OPA3: variants seen among roughly 807,000 people sequenced by gnomAD.
The protein encoded by OPA3 is outer mitochondrial membrane lipid metabolism regulator OPA3.
Under a neutral mutation model 4.0 loss-of-function variants are expected in OPA3, and 6 were observed. The ratio of observed to expected loss-of-function variants is 1.51; its 90% confidence interval spans 0.83 to 2.99. The LOEUF (loss-of-function observed/expected upper bound fraction) is 2.99. Ranked by LOEUF, OPA3 falls within the 30% of genes most tolerant of loss-of-function variation. The pLI, the probability that OPA3 is intolerant of heterozygous loss-of-function variation, is 0.00. For missense variants in OPA3, 235 were observed against 256.2 expected (o/e 0.92, Z 0.56); for synonymous variants, 105 against 117.1 (o/e 0.90, Z 0.67).
chr19:45,545,680 A>G (rs1463339247), downstream of OPA3, among the ~76,000 whole-genome samples: 1 of 151,528 alleles, frequency 6.6e-6, no homozygotes, highest in Non-Finnish European at 1.5e-5. Flanking sequence ...ACAGGTTTGT[A>G]TAATACATAC....
At chr19:45,576,672 C>T (rs959126151) in intron 1 of OPA3, among the ~76,000 whole-genome samples, 4 of 152,168 alleles carry the variant, frequency 2.6e-5, no homozygotes, top group Non-Finnish European at 4.4e-5. Flanking sequence ...AGAGGCTGCC[C>T]GCATTCCTTG....
At chr19:45,527,874 T>C (rs1185955839) in exon 2 of OPA3, 1 of 152,018 alleles carries the variant, frequency 6.6e-6, no homozygotes, top group African/African-American at 2.4e-5. Flanking sequence ...AGTTGTCGGG[T>C]GGGTAGGTCA....
In OPA3 at chr19:45,561,556, G is replaced by A. The variant is rs183393286; in HGVS notation, c.143-7645C>T. 1.5e-3 allele frequency among the ~76,000 whole-genome samples: 227 copies of A among 152,274 alleles called. 1 individual carries two copies. Among genetic ancestry groups the A allele is most frequent in the African/African-American group, 4.5e-3 (187 of 41,564 alleles). On this transcript the variant is annotated intron_variant, in intron 1 of 1. Coordinates refer to ENST00000263275, the MANE Select transcript of OPA3 (RefSeq NM_025136.4). The stretch of plus-strand genomic sequence containing the variant: ...GCTGGCTACTGAGAGGCTAAATCCC[G>A]TGGAACCGGTAACCGGAACTGTATA...
At chr19:45,583,657 A>G (rs1600008410) in intron 1 of OPA3, among the ~76,000 whole-genome samples, 1 of 151,860 alleles carries the variant, frequency 6.6e-6, no homozygotes, top group East Asian at 1.9e-4. Flanking sequence ...GTGCGCCACC[A>G]CACCCAGCTA....
chr19:45,549,905 C>T lies in OPA3; in HGVS notation c.*3609G>A. 1.0e-6 allele frequency: 1 copy of T among 982,470 alleles called. No individual in the cohort carries two copies. Among genetic ancestry groups the T allele is most frequent in the Non-Finnish European group, 1.2e-6 (1 of 827,350 alleles). The allele number at this position is 982,470 out of a possible 1,614,324, so 60.9% of individuals were successfully genotyped here. On this transcript the variant is annotated 3_prime_UTR_variant, in exon 2 of 2. Transcript: ENST00000263275. ...AGGCGCGGTGGCTCACGCCTGTAAT[C>T]CCAGCACTTTGGGAGGCCGAGGCGG...
At position 45,550,390 on chromosome 19, in the gene OPA3, G is replaced by C. The variant is rs1301814074; in HGVS notation, c.*3124C>G. 5 of 910,348 alleles carry C rather than the reference G, an allele frequency of 5.5e-6. No homozygotes were observed. Among genetic ancestry groups the C allele is most frequent in the Non-Finnish European group, 6.2e-6 (5 of 802,342 alleles). 56.4% of individuals were successfully genotyped at this position (910,348 alleles called of 1,614,324 possible). A position where few individuals can be genotyped will look rare whatever the true frequency, so the allele number is the denominator to read the frequency against. Reference sequence around the variant, plus strand: ...TACACAATGCTATGATCTCTGGTGTGATCTGGGGCTGCTCTGAGAGGGGAT... The same window carrying C: ...TACACAATGCTATGATCTCTGGTGTCATCTGGGGCTGCTCTGAGAGGGGAT... On this transcript the variant is annotated 3_prime_UTR_variant, in exon 2 of 2. Transcript: ENST00000263275.
At chr19:45,560,277 A>G (rs1408717587) in intron 1 of OPA3, among the ~76,000 whole-genome samples, 1 of 151,974 alleles carries the variant, frequency 6.6e-6, no homozygotes, top group Non-Finnish European at 1.5e-5. Flanking sequence ...GGGATCCTCT[A>G]TCTGAGCTCT....
intron 1 of OPA3, among the ~76,000 whole-genome samples, chr19:45,562,839 G>A (rs554166296): frequency 5.3e-5 from 8 of 152,284 alleles, no homozygotes; most frequent in East Asian, 3.9e-4. Flanking sequence ...TTCCTGGGTC[G>A]CCTCATTGCA....
chr19:45,559,231 T>A (rs532642721), intron 1 of OPA3, among the ~76,000 whole-genome samples: 2 of 152,000 alleles, frequency 1.3e-5, no homozygotes, highest in Admixed American at 1.3e-4. Context: ...TCCTTTTCTG[T>A]AATGACTTTA....
chr19:45,573,992 G>A (rs530918814), intron 1 of OPA3, among the ~76,000 whole-genome samples: 54 of 151,874 alleles, frequency 3.6e-4, no homozygotes, highest in African/African-American at 1.3e-3. Context: ...GTGAAACCCC[G>A]TCTCTACTAA....
intron 1 of OPA3, among the ~76,000 whole-genome samples, chr19:45,563,934 C>G (rs1333231122): frequency 6.6e-6 from 1 of 151,802 alleles, no homozygotes; most frequent in African/African-American, 2.4e-5. Context: ...AAGCAATCGG[C>G]CTGTCTTGGC....
intron 1 of OPA3, among the ~76,000 whole-genome samples, chr19:45,564,111 A>G (rs1444138783): frequency 1.4e-5 from 2 of 139,042 alleles, no homozygotes; most frequent in Non-Finnish European, 3.0e-5. Context: ...ATAAAATAGC[A>G]GTCCTGGAAG....
intron 1 of OPA3, among the ~76,000 whole-genome samples, chr19:45,532,737 A>G (rs972078470): frequency 6.6e-6 from 1 of 151,466 alleles, no homozygotes; most frequent in Non-Finnish European, 1.5e-5. Context: ...CTTTAAAATT[A>G]TTTTATTTTA....
In OPA3 at chr19:45,552,240, G is replaced by A. The variant is rs913675904; in HGVS notation, c.*1274C>T. 5.1e-6 allele frequency: 5 copies of A among 982,784 alleles called. No individual in the cohort carries two copies. The highest frequency in any genetic ancestry group is 3.6e-6 in the Non-Finnish European group (3 of 827,860). 60.9% of individuals were successfully genotyped at this position (982,784 alleles called of 1,614,324 possible). ...GTGGGTTTTTTTAAGATGGAGTTTT[G>A]CTCGTTACCCAGGCTGGCATGCAAT... On this transcript the variant is annotated 3_prime_UTR_variant, in exon 2 of 2. Transcript: ENST00000263275.
In OPA3 at chr19:45,552,296, C is replaced by T. The variant is rs1251126914; in HGVS notation, c.*1218G>A. The T allele has an allele frequency of 4.0e-5, 29 of 718,730 alleles. No individual in the cohort carries two copies. The highest frequency in any genetic ancestry group is 4.8e-5 in the Non-Finnish European group (28 of 586,756). The allele number at this position is 718,730 out of a possible 1,614,324, so 44.5% of individuals were successfully genotyped here. A position where few individuals can be genotyped will look rare whatever the true frequency, so the allele number is the denominator to read the frequency against. On this transcript the variant is annotated 3_prime_UTR_variant, in exon 2 of 2. Coordinates refer to ENST00000263275, the MANE Select transcript of OPA3 (RefSeq NM_025136.4). The stretch of plus-strand genomic sequence containing the variant: ...AATCTCGGCTCACTGCAACCTCTGC[C>T]TCCCGGGTTCAAGCAATTCTCCTGT...
At chr19:45,570,694 A>T (rs1969649387) in intron 1 of OPA3, among the ~76,000 whole-genome samples, 1 of 151,218 alleles carries the variant, frequency 6.6e-6, no homozygotes, top group African/African-American at 2.4e-5. Flanking sequence ...CTTGGGGAAA[A>T]AAACAAAAAC....
intron 1 of OPA3, among the ~76,000 whole-genome samples, chr19:45,556,866 A>T (rs1969428206): frequency 6.6e-6 from 1 of 152,172 alleles, no homozygotes; most frequent in Non-Finnish European, 1.5e-5. Flanking sequence ...CCCCTCCCAC[A>T]CTGAGGTCTT....
intron 1 of OPA3, among the ~76,000 whole-genome samples, chr19:45,556,807 G>A (rs1421918180): frequency 1.3e-5 from 2 of 152,194 alleles, no homozygotes; most frequent in Non-Finnish European, 2.9e-5. Context: ...TGTTACAGCT[G>A]TGACTTAGGC....
exon 2 of OPA3, chr19:45,529,082 G>C: frequency 6.2e-7 from 1 of 1,601,150 alleles, no homozygotes; most frequent in Non-Finnish European, 8.5e-7. Flanking sequence ...GGCGCAACTG[G>C]GGGTGCAGGC....
Sources: allele counts gnomAD v4.1 joint callset (sites outside exome capture counted in the v4.1 genomes callset), GRCh38; gene constraint gnomAD v4.1.1; transcripts MANE v1.5; gene names NCBI Gene and HGNC (gene_info 2026-07-23, HGNC 2026-07-21).